The following PIWIL4 variants were observed in gnomAD, a reference collection of about 807,000 sequenced individuals.
The protein encoded by PIWIL4 is piwi like RNA-mediated gene silencing 4.
In PIWIL4, 50 loss-of-function variants were observed where a neutral mutation model predicts 100.9. The observed-to-expected ratio is 0.50, with a 90% CI of 0.39 to 0.63. The LOEUF is 0.63. Ranked by LOEUF, PIWIL4 falls within the 20% of genes least tolerant of loss-of-function variation. PIWIL4 has a pLI of 0.00. For synonymous variants in PIWIL4, 342 were observed against 367.5 expected, an observed-to-expected ratio of 0.93 and a Z score of 0.79; for missense variants, 887 against 1,043.3, an observed-to-expected ratio of 0.85 and a Z score of 2.06.
At chr11:94,598,826 G>A (rs375758059) in intron 11 of PIWIL4, among the ~76,000 whole-genome samples, 1 of 149,702 alleles carries the variant, frequency 6.7e-6, no homozygotes, top group Admixed American at 6.8e-5. Flanking sequence ...TGCCATTTCA[G>A]CCTCCCAAGA....
chr11:94,607,221 A>G (rs1275934984), intron 13 of PIWIL4, among the ~76,000 whole-genome samples: 7 of 152,158 alleles, frequency 4.6e-5, no homozygotes, highest in Non-Finnish European at 7.3e-5. Context: ...GGGGCTTTGC[A>G]GAGTGAATGG....
At position 94,595,367 on chromosome 11, in the gene PIWIL4, A is replaced by G. The variant is rs145231995; in HGVS notation, c.1209A>G (p.Thr403=). The part of the protein sequence containing the change: ...FQLMKAVAEK[T]RLSPSGRQQR... The stretch of plus-strand genomic sequence containing the variant: ...TGATGAAGGCTGTGGCTGAAAAGAC[A>G]CGTCTCAGTCCTTCAGGCCGGCAGC... The change falls in exon 10 of 20, where the codon ACA becomes ACG. Residue 403 remains threonine, a synonymous_variant. Transcript: ENST00000299001. 290 of 1,614,054 alleles carry G rather than the reference A, an allele frequency of 1.8e-4. No homozygotes were observed. The highest frequency in any genetic ancestry group is 2.4e-4 in the Non-Finnish European group (281 of 1,179,894).
At position 94,621,023 on chromosome 11, in the gene PIWIL4, C is replaced by T. The variant is rs1433248639; in HGVS notation, c.*31C>T. Reference sequence around the variant, plus strand: ...TGAACTACTGGCATCACTAGATGGACAATCCAAGAAGAAATTGGTATACTT... The same window carrying T: ...TGAACTACTGGCATCACTAGATGGATAATCCAAGAAGAAATTGGTATACTT... On this transcript the variant is annotated 3_prime_UTR_variant, in exon 20 of 20. Coordinates refer to ENST00000299001, the MANE Select transcript of PIWIL4 (RefSeq NM_152431.3). 2.0e-6 allele frequency: 3 copies of T among 1,481,564 alleles called. No individual in the cohort carries two copies. The highest frequency in any genetic ancestry group is 2.8e-6 in the Non-Finnish European group (3 of 1,060,450). 91.8% of individuals were successfully genotyped at this position (1,481,564 alleles called of 1,614,324 possible).
chr11:94,572,660 G>A (rs1730433636), intron 2 of PIWIL4, among the ~76,000 whole-genome samples: 1 of 152,118 alleles, frequency 6.6e-6, no homozygotes. Flanking sequence ...CTCTGTTTTG[G>A]TACCAGTACC....
chr11:94,597,914 T>C lies in PIWIL4; in HGVS notation c.1379T>C (p.Ile460Thr). 6.3e-7 allele frequency: 1 copy of C among 1,595,436 alleles called. No homozygotes were observed. The highest frequency in any genetic ancestry group is 1.3e-5 in the African/African-American group (1 of 74,614). ...GAAAAAATATTAATGCAAGACCACA[T>C]AGTAAGTGCTGTGATTTTATTTTCA... is the stretch of plus-strand genomic sequence containing the variant. ...PSEKILMQDH[I>T]CQPVSAADWS... The change falls in exon 11 of 20, where the codon ATA becomes ACA. Residue 460 changes from isoleucine to threonine, a missense_variant and splice_region_variant. Physicochemically the swap from Ile to Thr is moderately conservative, Grantham distance 89 (BLOSUM62 -1). Transcript: ENST00000299001.
At position 94,567,570 on chromosome 11, in the gene PIWIL4, G is replaced by A. The variant is rs1259942672; in HGVS notation, c.52G>A (p.Ala18Thr). 1 of 1,607,576 alleles carries A rather than the reference G, an allele frequency of 6.2e-7. No homozygotes were observed. Among genetic ancestry groups the A allele is most frequent in the Non-Finnish European group, 8.5e-7 (1 of 1,177,236 alleles). ...CAGAGGCATCGCCCGCAGCCCCAGT[G>A]CCACAGAAGTGGGGCGCATCCAAGC... Reference protein sequence around the residue: ...KARGIARSPSATEVGRIQASP... With the variant: ...KARGIARSPSTTEVGRIQASP... The change falls in exon 1 of 20, where the codon GCC (alanine) becomes ACC (threonine). Residue 18 changes from alanine to threonine, a missense_variant. Coordinates refer to ENST00000299001, the MANE Select transcript of PIWIL4 (RefSeq NM_152431.3).
At chr11:94,580,307 G>A (rs1948294774) in intron 4 of PIWIL4, among the ~76,000 whole-genome samples, 1 of 152,112 alleles carries the variant, frequency 6.6e-6, no homozygotes. Context: ...TCTGATCTTG[G>A]TATTGACTGA....
chr11:94,617,899 T>A (rs1198737621), intron 16 of PIWIL4, 55 bp from the exon 17 acceptor site: 1 of 1,571,618 alleles, frequency 6.4e-7, no homozygotes, highest in Admixed American at 1.7e-5. Context: ...GGGAATGTTA[T>A]TTTTTGTTGG....
At chr11:94,572,622 G>A (rs1195033365) in intron 2 of PIWIL4, among the ~76,000 whole-genome samples, 1 of 152,128 alleles carries the variant, frequency 6.6e-6, no homozygotes, top group African/African-American at 2.4e-5. Context: ...TATTTCTGAG[G>A]ACTCTGTTCT....
At position 94,596,925 on chromosome 11, in the gene PIWIL4, A is replaced by G. The variant is rs188296745; in HGVS notation, c.1269-879A>G. On this transcript the variant is annotated intron_variant, in intron 10 of 19. Coordinates refer to ENST00000299001, the MANE Select transcript of PIWIL4 (RefSeq NM_152431.3). ...GGTGAAGAGGTTTGAGCTTCCCTAA[A>G]AAAATTGGTAGAGCTTTAATAGGGA... is the stretch of plus-strand genomic sequence containing the variant. 5.7e-3 allele frequency among the ~76,000 whole-genome samples: 867 copies of G among 152,312 alleles called. 4 individuals carry two copies. The highest frequency in any genetic ancestry group is 0.024 in the Middle Eastern group (7 of 294).
At chr11:94,620,172 A>G (rs772557100) in intron 19 of PIWIL4, 28 bp downstream of exon 19, 24 of 1,548,860 alleles carry the variant, frequency 1.5e-5, no homozygotes, top group Non-Finnish European at 1.8e-5. Flanking sequence ...ACTTAATGTA[A>G]ATATGATACT....
At chr11:94,577,146 G>C in intron 3 of PIWIL4, 132 bp from the exon 4 acceptor site, 1 of 690,478 alleles carries the variant, frequency 1.4e-6, no homozygotes, top group East Asian at 2.7e-5. Flanking sequence ...GATTTATCCT[G>C]TGTCACTGTG....
chr11:94,589,103 A>T lies in PIWIL4; in HGVS notation c.915-18A>T, dbSNP rs200136476. The T allele has an allele frequency of 9.6e-6, 15 of 1,562,448 alleles. No individual in the cohort carries two copies. The East Asian group carries it at 3.4e-4, about 35-fold the overall frequency. ...TAGATGATTAAAAAACAATTTAAAGACTTTTTATATTTGGCAGATACAATA... is the reference window on the plus strand; with the variant it reads ...TAGATGATTAAAAAACAATTTAAAGTCTTTTTATATTTGGCAGATACAATA... On this transcript the variant is annotated intron_variant, in intron 7 of 19. Coordinates refer to ENST00000299001, the MANE Select transcript of PIWIL4 (RefSeq NM_152431.3).
chr11:94,614,357 G>C (rs1948822175), intron 15 of PIWIL4, among the ~76,000 whole-genome samples: 1 of 146,920 alleles, frequency 6.8e-6, no homozygotes, highest in Admixed American at 6.9e-5. Context: ...ACGCAGGCTG[G>C]AGTGTGGTGG....
chr11:94,621,009 C>A lies in PIWIL4; in HGVS notation c.*17C>A. ...TACCTGTGATGGCATGAACTACTGG[C>A]ATCACTAGATGGACAATCCAAGAAG... is the stretch of plus-strand genomic sequence containing the variant. On this transcript the variant is annotated 3_prime_UTR_variant, in exon 20 of 20. Coordinates refer to ENST00000299001, the MANE Select transcript of PIWIL4 (RefSeq NM_152431.3). 6.5e-7 allele frequency: 1 copy of A among 1,544,668 alleles called. No individual in the cohort carries two copies. Among genetic ancestry groups the A allele is most frequent in the Non-Finnish European group, 8.9e-7 (1 of 1,117,320 alleles).
chr11:94,611,003 T>C (rs996796596), intron 15 of PIWIL4, among the ~76,000 whole-genome samples: 1 of 152,198 alleles, frequency 6.6e-6, no homozygotes, highest in Non-Finnish European at 1.5e-5. Flanking sequence ...TATCTAGTTA[T>C]TTCAACACCA....
At chr11:94,576,421 A>G (rs984409633) in intron 3 of PIWIL4, among the ~76,000 whole-genome samples, 6 of 152,204 alleles carry the variant, frequency 3.9e-5, no homozygotes, top group African/African-American at 1.2e-4. Flanking sequence ...GGTGTGAGCC[A>G]CCGTGCCCAG....
chr11:94,600,479 C>T (rs191559893), intron 11 of PIWIL4, among the ~76,000 whole-genome samples: 10 of 152,028 alleles, frequency 6.6e-5, no homozygotes, highest in South Asian at 4.2e-4. Context: ...AGGGAGTGTA[C>T]GAATAGGGTG....
chr11:94,608,725 T>G, intron 15 of PIWIL4, 39 bp downstream of exon 15: 1 of 1,527,942 alleles, frequency 6.5e-7, no homozygotes, highest in Non-Finnish European at 9.1e-7. Context: ...TTCATTTAGT[T>G]AGACTATTAA....
Sources: gnomAD v4.1 joint callset for allele counts (sites outside exome capture counted in the v4.1 genomes callset) on GRCh38, gnomAD v4.1.1 for gene constraint, MANE v1.5 for transcripts, NCBI Gene and HGNC (gene_info 2026-07-23, HGNC 2026-07-21) for gene names.